DYNC2H1: variants seen among roughly 807,000 people sequenced by gnomAD.
DYNC2H1 encodes dynein cytoplasmic 2 heavy chain 1.
DYNC2H1 carries 410 observed loss-of-function variants against 570.0 expected under a neutral mutation model. The observed-to-expected ratio is 0.72, with a 90% confidence interval of 0.66 to 0.78. The LOEUF is 0.78. Among genes scored for constraint, DYNC2H1 ranks in the 30% least tolerant of loss-of-function variants. The probability of loss-of-function intolerance (pLI) is 0.00; values close to 1 mark genes in which losing one functional copy is unlikely to be tolerated. For missense variants in DYNC2H1, 4,865 were observed against 5,046.4 expected (o/e 0.96, Z 1.09); for synonymous variants, 1,688 against 1,677.6 (o/e 1.01, Z -0.15).
intron 82 of DYNC2H1, among the ~76,000 whole-genome samples, chr11:103,346,591 T>C (rs1939755558): frequency 6.6e-6 from 1 of 151,854 alleles, no homozygotes; most frequent in Non-Finnish European, 1.5e-5. Context: ...ATATTTTTCC[T>C]TTTTAATATT....
chr11:103,447,623 C>T (rs1198915959), intron 85 of DYNC2H1, among the ~76,000 whole-genome samples: 4 of 152,114 alleles, frequency 2.6e-5, no homozygotes, highest in African/African-American at 9.7e-5. Flanking sequence ...GTTACTTTGT[C>T]CCAGAATCTG....
chr11:103,320,330 A>C (rs577288728), intron 80 of DYNC2H1, among the ~76,000 whole-genome samples: 6 of 152,288 alleles, frequency 3.9e-5, no homozygotes, highest in Admixed American at 6.5e-5. Context: ...TGAACCTGGG[A>C]GGTGGACAAA....
chr11:103,310,278 T>C (rs1867514279), intron 78 of DYNC2H1, among the ~76,000 whole-genome samples: 1 of 152,156 alleles, frequency 6.6e-6, no homozygotes, highest in African/African-American at 2.4e-5. Flanking sequence ...CTCGTTTTCT[T>C]CTTCCTGATT....
Position 103,388,963 on chromosome 11 carries a change from C to T in DYNC2H1, c.12157-10700C>T, listed in dbSNP as rs7933637. 8.6e-5 allele frequency among the ~76,000 whole-genome samples: 13 copies of T among 152,036 alleles called. 1 individual carries two copies. Among genetic ancestry groups the T allele is most frequent in the Admixed American group, 5.2e-4 (8 of 15,278 alleles). On this transcript the variant is annotated intron_variant, in intron 83 of 88. Transcript: ENST00000375735. ...CATCAGGGATATTGTCTAAAATTCC[C>T]TTTTTTTGTTGTGTCTCTGCCAGGC... is the stretch of plus-strand genomic sequence containing the variant.
intron 1 of DYNC2H1, 105 bp from the exon 2 acceptor site, chr11:103,113,432 C>A: frequency 1.2e-6 from 1 of 835,078 alleles, no homozygotes. Context: ...TTTAAAGTAA[C>A]TATTTTTTTC....
chr11:103,337,133 A>G (rs1939179339), intron 82 of DYNC2H1, among the ~76,000 whole-genome samples: 2 of 152,228 alleles, frequency 1.3e-5, no homozygotes, highest in African/African-American at 4.8e-5. Context: ...TGCCTTAAGG[A>G]CATGTTTCTG....
At chr11:103,372,192 T>G (rs2512132) in intron 83 of DYNC2H1, among the ~76,000 whole-genome samples, 102,034 of 151,088 alleles carry the variant, frequency 0.68, 34,533 homozygotes, top group Admixed American at 0.73. Context: ...ACCATGCCTG[T>G]CTAATTTTTG....
chr11:103,111,665 GGGTATT>G, intron 1 of DYNC2H1, among the ~76,000 whole-genome samples: 1 of 152,044 alleles, frequency 6.6e-6, no homozygotes, highest in Non-Finnish European at 1.5e-5. Context: ...ATCTTGGCTT[GGGTATT>G]TGAAAGTTGA....
rs1359150377 is a variant in DYNC2H1 at position 103,264,956 on chromosome 11, A to G, written c.10695+4979A>G. On this transcript the variant is annotated intron_variant, in intron 70 of 88. Transcript: ENST00000375735. The surrounding 1 kb of genome is among the most constrained non-coding windows in gnomAD (Gnocchi z 4.8). Reference sequence around the variant, plus strand: ...CTCTGTTTGGAGATGACATGATTGTATATTTAGAAAACCCCATCGTCTCAG... The same window carrying G: ...CTCTGTTTGGAGATGACATGATTGTGTATTTAGAAAACCCCATCGTCTCAG... Among the ~76,000 whole-genome samples, 1 of 152,220 alleles carries G rather than the reference A, an allele frequency of 6.6e-6. No individual in the cohort carries two copies. The highest frequency in any genetic ancestry group is 2.4e-5 in the African/African-American group (1 of 41,450).
intron 83 of DYNC2H1, among the ~76,000 whole-genome samples, chr11:103,384,645 C>T (rs1941801525): frequency 6.6e-6 from 1 of 152,082 alleles, no homozygotes. Flanking sequence ...AAGTTAAACT[C>T]AGTATATTTG....
At chr11:103,165,814 G>GA (rs35554257) in intron 30 of DYNC2H1, 84 bp from the exon 31 acceptor site, 3 of 1,172,172 alleles carry the variant, frequency 2.6e-6, no homozygotes, top group African/African-American at 3.2e-5. Flanking sequence ...TTGGCTATTT[G>GA]AAAAAAGGTG....
intron 70 of DYNC2H1, among the ~76,000 whole-genome samples, chr11:103,279,085 T>C (rs915058625): frequency 1.3e-5 from 2 of 152,206 alleles, no homozygotes; most frequent in African/African-American, 4.8e-5. Flanking sequence ...AAACATCAAA[T>C]CTTATTTTGC....
At chr11:103,470,609 C>T (rs956149115) in intron 88 of DYNC2H1, among the ~76,000 whole-genome samples, 17 of 152,134 alleles carry the variant, frequency 1.1e-4, no homozygotes, top group African/African-American at 4.1e-4. Flanking sequence ...TGTTCCCCTT[C>T]CTGTGTCCAT....
chr11:103,215,357 A>C (rs1863337366), intron 54 of DYNC2H1, among the ~76,000 whole-genome samples: 3 of 152,096 alleles, frequency 2.0e-5, no homozygotes, highest in Admixed American at 2.0e-4. Context: ...TCTTGCCTTG[A>C]AGTATGTTGA....
chr11:103,205,005 A>C lies in DYNC2H1; in HGVS notation c.8454+41A>C. The C allele has an allele frequency of 6.6e-7, 1 of 1,522,228 alleles. No individual in the cohort carries two copies. Among genetic ancestry groups the C allele is most frequent in the Middle Eastern group, 1.8e-4 (1 of 5,614 alleles). 94.3% of individuals were successfully genotyped at this position (1,522,228 alleles called of 1,614,324 possible). A position where few individuals can be genotyped will look rare whatever the true frequency, so the allele number is the denominator to read the frequency against. On this transcript the variant is annotated intron_variant, in intron 52 of 88. Coordinates refer to ENST00000375735, the MANE Select transcript of DYNC2H1 (RefSeq NM_001377.3). This position sits in a 1 kb window ranked among gnomAD's most constrained non-coding sequence, Gnocchi z 4.5. ...ATTAAAAAATTTAAAAGCACATTTT[A>C]TTTTTGAAGTTATTGATTTTCACAA...
chr11:103,365,637 A>G (rs1940870753), intron 83 of DYNC2H1, among the ~76,000 whole-genome samples: 1 of 152,234 alleles, frequency 6.6e-6, no homozygotes, highest in African/African-American at 2.4e-5. Context: ...TGAATAGCCA[A>G]AGGAGAGAAC....
At chr11:103,235,611 T>G (rs879569422) in intron 61 of DYNC2H1, 61 bp from the exon 62 acceptor site, 84 of 1,450,122 alleles carry the variant, frequency 5.8e-5, no homozygotes, top group Non-Finnish European at 7.6e-5. Context: ...AAAACTGTCA[T>G]TTTCTTTAAT....
chr11:103,457,379 G>GCTTC (rs1944824102), intron 87 of DYNC2H1, among the ~76,000 whole-genome samples: 1 of 152,148 alleles, frequency 6.6e-6, no homozygotes, highest in African/African-American at 2.4e-5. Context: ...AACCATAGGA[G>GCTTC]ATGACAGCTT....
Position 103,186,518 on chromosome 11 carries a change from C to T in DYNC2H1, c.6893+17C>T. ...TGGCAAAGGGTAAGAAAAATATTGG[C>T]AAAGGTATATGTTGTGGATTTATTC... On this transcript the variant is annotated intron_variant, in intron 42 of 88. Coordinates refer to ENST00000375735, the MANE Select transcript of DYNC2H1 (RefSeq NM_001377.3). The surrounding 1 kb of genome is among the most constrained non-coding windows in gnomAD (Gnocchi z 4.5). The T allele has an allele frequency of 6.2e-7, 1 of 1,604,422 alleles. No individual in the cohort carries two copies. The highest frequency in any genetic ancestry group is 8.5e-7 in the Non-Finnish European group (1 of 1,178,116).
Sources: allele counts gnomAD v4.1 joint callset (sites outside exome capture counted in the v4.1 genomes callset), GRCh38; gene constraint gnomAD v4.1.1; non-coding constraint Gnocchi (gnomAD v3.1); transcripts MANE v1.5; gene names NCBI Gene and HGNC (gene_info 2026-07-23, HGNC 2026-07-21).